CTIF: variants seen among roughly 807,000 people sequenced by gnomAD.
CTIF encodes cap binding complex dependent translation initiation factor.
In CTIF, 21 loss-of-function variants were observed where a neutral mutation model predicts 66.0. The ratio of observed to expected loss-of-function variants is 0.32; its 90% CI spans 0.23 to 0.46. The LOEUF (loss-of-function observed/expected upper bound fraction) is 0.46, where lower values mean the gene tolerates loss of function less well. Among genes scored for constraint, CTIF ranks in the 20% least tolerant of loss-of-function variants. CTIF has a pLI of 1.00. For missense variants in CTIF, 739 were observed against 812.7 expected, an observed-to-expected ratio of 0.91 and a Z score of 1.10; for synonymous variants, 345 against 326.4, an observed-to-expected ratio of 1.06 and a Z score of -0.62.
intron 10 of CTIF, 71 bp downstream of exon 10, chr18:48,817,447 T>C (rs9951895): frequency 0.49 from 741,697 of 1,523,842 alleles, 185,127 homozygotes; most frequent in African/African-American, 0.73. Context: ...CTCAGATAAC[T>C]GGGACAAAGC....
rs560000731 is a variant in CTIF at position 48,774,643 on chromosome 18, G to A, written c.1371+12954G>A. 7.9e-5 allele frequency among the ~76,000 whole-genome samples: 12 copies of A among 152,204 alleles called. No individual in the cohort carries two copies. In the South Asian group the frequency reaches 1.0e-3, roughly 13 times the overall value. ...CCTCCAGCACCCCCTTGACAGTGCC[G>A]AGCCTGAGACCAAGTGTATTCCAGA... On this transcript the variant is annotated intron_variant, in intron 9 of 11. Transcript: ENST00000256413.
chr18:48,753,050 G>A (rs572454843), intron 7 of CTIF, among the ~76,000 whole-genome samples: 34 of 152,292 alleles, frequency 2.2e-4, no homozygotes, highest in Admixed American at 6.5e-4. Flanking sequence ...CTGTGCCTCC[G>A]AGCCTCACCG....
At chr18:48,682,856 T>G (rs931780946) in intron 6 of CTIF, 2 of 152,192 alleles carry the variant, frequency 1.3e-5, no homozygotes, top group Non-Finnish European at 2.9e-5. Context: ...GCTCATTCCC[T>G]TTGCACCAAA....
chr18:48,799,383 G>A (rs1457128125), intron 9 of CTIF, among the ~76,000 whole-genome samples: 1 of 152,084 alleles, frequency 6.6e-6, no homozygotes, highest in African/African-American at 2.4e-5. Flanking sequence ...CCCAGATGAT[G>A]GATTTCTGGT....
At chr18:48,858,068 C>G (rs1055032188) in intron 11 of CTIF, among the ~76,000 whole-genome samples, 39 of 152,268 alleles carry the variant, frequency 2.6e-4, no homozygotes, top group African/African-American at 8.2e-4. Flanking sequence ...ACTCCTGTCC[C>G]TAAGCTGTGG....
rs184642370 is a variant in CTIF at position 48,730,157 on chromosome 18, G to A, written c.584+18462G>A. Among the ~76,000 whole-genome samples the A allele has an allele frequency of 5.5e-3, 833 of 152,016 alleles. 2 individuals are homozygous for A. The highest frequency in any genetic ancestry group is 8.8e-3 in the Non-Finnish European group (601 of 68,000). On this transcript the variant is annotated intron_variant, in intron 7 of 11. Transcript: ENST00000256413. ...TGGCCACATTCAGGGCTAGCCACAT[G>A]TGGTGAAGGGCCTCCACAGTGTGAG... is the stretch of plus-strand genomic sequence containing the variant.
chr18:48,752,536 C>T (rs923806089), intron 7 of CTIF, among the ~76,000 whole-genome samples: 7 of 152,188 alleles, frequency 4.6e-5, no homozygotes, highest in Admixed American at 2.6e-4. Context: ...AGCGGGGCGA[C>T]CCTAGAAGGA....
At position 48,845,021 on chromosome 18, in the gene CTIF, C is replaced by T. The variant is rs1465052922; in HGVS notation, c.1528-12567C>T. ...CAAGACTCTCCTACTTTAACCACACCAGATTCCCAGACCATTCTAGGTGAC... is the reference window on the plus strand; with the variant it reads ...CAAGACTCTCCTACTTTAACCACACTAGATTCCCAGACCATTCTAGGTGAC... On this transcript the variant is annotated intron_variant, in intron 10 of 11. Transcript: ENST00000256413. 2.6e-5 allele frequency among the ~76,000 whole-genome samples: 4 copies of T among 152,110 alleles called. No homozygotes were observed. In the East Asian group the frequency reaches 7.7e-4, roughly 29 times the overall value.
At chr18:48,737,090 C>T (rs978175398) in intron 7 of CTIF, among the ~76,000 whole-genome samples, 1 of 152,102 alleles carries the variant, frequency 6.6e-6, no homozygotes, top group Non-Finnish European at 1.5e-5. Flanking sequence ...CCAGTGATGG[C>T]CCCTGCATGA....
intron 10 of CTIF, among the ~76,000 whole-genome samples, chr18:48,851,296 A>T (rs1355632345): frequency 6.6e-6 from 1 of 152,206 alleles, no homozygotes; most frequent in Non-Finnish European, 1.5e-5. Flanking sequence ...AAGAGCAGGG[A>T]GACTGTGGAA....
chr18:48,672,702 C>T (rs1266969587), intron 6 of CTIF, among the ~76,000 whole-genome samples: 2 of 152,178 alleles, frequency 1.3e-5, no homozygotes, highest in African/African-American at 4.8e-5. Flanking sequence ...TGCCTACCTG[C>T]CCTCCACTTC....
At chr18:48,698,370 G>A (rs1319703512) in intron 6 of CTIF, among the ~76,000 whole-genome samples, 1 of 152,046 alleles carries the variant, frequency 6.6e-6, no homozygotes, top group African/African-American at 2.4e-5. Context: ...ATCCTGGGGA[G>A]GCAACTATGT....
In CTIF at chr18:48,820,537, C is replaced by A. The variant is rs1016721737; in HGVS notation, c.1527+3161C>A. ...CCCACATTTCCAGCTGCCCACTACA[C>A]CTGTCCCAGGTCATACCTCAGGACC... is the stretch of plus-strand genomic sequence containing the variant. On this transcript the variant is annotated intron_variant, in intron 10 of 11. Coordinates refer to ENST00000256413, the MANE Select transcript of CTIF (RefSeq NM_014772.3). Among the ~76,000 whole-genome samples, 9 of 152,174 alleles carry A rather than the reference C, an allele frequency of 5.9e-5. No homozygotes were observed. In the East Asian group the frequency reaches 1.5e-3, roughly 26 times the overall value.
At chr18:48,711,563 G>A in intron 6 of CTIF, 56 bp from the exon 7 acceptor site, 1 of 1,402,414 alleles carries the variant, frequency 7.1e-7, no homozygotes, top group Non-Finnish European at 1.0e-6. Context: ...TCCCAGAGGT[G>A]CTTTGCTCTC....
At chr18:48,627,822 AAGG>A (rs1430584723) in intron 2 of CTIF, among the ~76,000 whole-genome samples, 1 of 151,810 alleles carries the variant, frequency 6.6e-6, no homozygotes, top group South Asian at 2.1e-4. Flanking sequence ...TGAGGATTTG[AAGG>A]AGGTGAGAGT....
chr18:48,542,666 A>G (rs2145460993), intron 1 of CTIF, among the ~76,000 whole-genome samples: 1 of 152,344 alleles, frequency 6.6e-6, no homozygotes, highest in East Asian at 1.9e-4. Context: ...GGAACAAATC[A>G]TAAATATTTT....
chr18:48,774,314 C>T (rs1412379245), intron 9 of CTIF, among the ~76,000 whole-genome samples: 1 of 152,172 alleles, frequency 6.6e-6, no homozygotes, highest in African/African-American at 2.4e-5. Flanking sequence ...GTCATGCTGG[C>T]TCAGCATGGC....
At chr18:48,682,599 CT>C (rs2091765457) in intron 6 of CTIF, among the ~76,000 whole-genome samples, 1 of 152,366 alleles carries the variant, frequency 6.6e-6, no homozygotes, top group African/African-American at 2.4e-5. Flanking sequence ...TCACCTTCCC[CT>C]ATCCCCTTCT....
chr18:48,683,639 A>G (rs1335739819), intron 6 of CTIF, among the ~76,000 whole-genome samples: 3 of 152,106 alleles, frequency 2.0e-5, no homozygotes, highest in Non-Finnish European at 4.4e-5. Flanking sequence ...CAAAGGGTTC[A>G]GGAGGAAGCT....
Sources: gnomAD v4.1 joint callset for allele counts (sites outside exome capture counted in the v4.1 genomes callset) on GRCh38, gnomAD v4.1.1 for gene constraint, MANE v1.5 for transcripts, NCBI Gene and HGNC (gene_info 2026-07-23, HGNC 2026-07-21) for gene names.